SNTG2: variants seen among roughly 807,000 people sequenced by gnomAD.
SNTG2 encodes gamma-2-syntrophin.
Under a neutral mutation model 70.9 loss-of-function variants are expected in SNTG2, and 74 were observed. That is an observed-to-expected ratio of 1.04 (90% CI 0.86 to 1.27). SNTG2 has a LOEUF of 1.27. Ranked by LOEUF, SNTG2 falls within the 50% of genes most tolerant of loss-of-function variation. SNTG2 has a pLI of 0.00. For missense variants in SNTG2, 717 were observed against 690.7 expected (o/e 1.04, Z -0.43); for synonymous variants, 278 against 273.8 (o/e 1.02, Z -0.15).
At chr2:1,146,729 T>C (rs2147791704) in intron 6 of SNTG2, among the ~76,000 whole-genome samples, 1 of 152,282 alleles carries the variant, frequency 6.6e-6, no homozygotes, top group South Asian at 2.1e-4. Flanking sequence ...AGCCCAGAAA[T>C]AGAACCACAT....
chr2:1,012,219 G>A (rs1308096334), intron 1 of SNTG2, among the ~76,000 whole-genome samples: 2 of 152,244 alleles, frequency 1.3e-5, no homozygotes, highest in African/African-American at 2.4e-5. Context: ...AGGCTGTCAT[G>A]TATGGGATGC....
At chr2:1,076,745 C>T (rs1249180632) in intron 1 of SNTG2, among the ~76,000 whole-genome samples, 2 of 152,016 alleles carry the variant, frequency 1.3e-5, no homozygotes, top group Non-Finnish European at 2.9e-5. Flanking sequence ...AAGAAACTCA[C>T]CTTAAATTTT....
intron 1 of SNTG2, among the ~76,000 whole-genome samples, chr2:1,021,384 T>C (rs563157783): frequency 6.6e-6 from 1 of 152,294 alleles, no homozygotes; most frequent in South Asian, 2.1e-4. Flanking sequence ...CATAATACTT[T>C]GCTGAATCCA....
chr2:1,173,127 G>A lies in SNTG2; in HGVS notation c.535G>A (p.Ala179Thr), dbSNP rs1291389854. 2 of 1,614,006 alleles carry A rather than the reference G, an allele frequency of 1.2e-6. No homozygotes were observed. The highest frequency in any genetic ancestry group is 1.3e-5 in the African/African-American group (1 of 75,034). The change falls in exon 8 of 17, where the codon GCC (alanine) becomes ACC (threonine). Residue 179 changes from alanine (A) to threonine (T), a missense_variant. Transcript: ENST00000308624. ...PGPSSDHSSG[A>T]SSPLFDSGLH... is the part of the protein sequence containing the mutation. ...GCCATCCAGCGACCACAGCAGTGGG[G>A]CCTCCTCTCCCCTCTTTGACAGCGG...
At chr2:1,295,750 C>T (rs1055836009) in intron 14 of SNTG2, among the ~76,000 whole-genome samples, 40 of 143,102 alleles carry the variant, frequency 2.8e-4, no homozygotes, top group East Asian at 4.2e-4. Context: ...TCGATGGCTT[C>T]CACTGTAGAA....
At chr2:1,085,435 A>T (rs1432227160) in intron 2 of SNTG2, among the ~76,000 whole-genome samples, 1 of 152,250 alleles carries the variant, frequency 6.6e-6, no homozygotes, top group Non-Finnish European at 1.5e-5. Flanking sequence ...ACTTATGCGT[A>T]CAGTTTTAGG....
intron 14 of SNTG2, among the ~76,000 whole-genome samples, chr2:1,290,746 G>A (rs139472210): frequency 1.2e-3 from 177 of 152,314 alleles, no homozygotes; most frequent in African/African-American, 4.1e-3. Context: ...AACTCCAACA[G>A]TGGGAAATGC....
At chr2:953,389 G>T (rs1660040126) in intron 1 of SNTG2, among the ~76,000 whole-genome samples, 1 of 152,216 alleles carries the variant, frequency 6.6e-6, no homozygotes, top group Non-Finnish European at 1.5e-5. Flanking sequence ...AGAATTATTG[G>T]CATGAGCCGG....
intron 7 of SNTG2, among the ~76,000 whole-genome samples, chr2:1,168,647 G>A (rs944252535): frequency 1.3e-5 from 2 of 152,090 alleles, no homozygotes; most frequent in Non-Finnish European, 2.9e-5. Flanking sequence ...TTTTCCCATC[G>A]ATCACAGCAG....
At chr2:1,318,343 C>T (rs964559959) in intron 16 of SNTG2, among the ~76,000 whole-genome samples, 5 of 152,206 alleles carry the variant, frequency 3.3e-5, no homozygotes, top group African/African-American at 1.2e-4. Context: ...CATTTTTATA[C>T]GTGAAAGTTT....
At chr2:1,034,689 T>A (rs191658300) in intron 1 of SNTG2, among the ~76,000 whole-genome samples, 1 of 152,196 alleles carries the variant, frequency 6.6e-6, no homozygotes, top group Non-Finnish European at 1.5e-5. Context: ...TGATTTTGAT[T>A]TGCATTTCTC....
intron 1 of SNTG2, among the ~76,000 whole-genome samples, chr2:1,064,128 C>T (rs1413230500): frequency 6.6e-6 from 1 of 152,050 alleles, no homozygotes; most frequent in Non-Finnish European, 1.5e-5. Context: ...AAAATAGAAC[C>T]ATATCTTCAC....
chr2:1,244,129 C>T (rs1288716994), intron 11 of SNTG2, among the ~76,000 whole-genome samples: 1 of 150,276 alleles, frequency 6.7e-6, no homozygotes, highest in African/African-American at 2.4e-5. Flanking sequence ...TCTCTCTACC[C>T]CGTATGAATC....
At chr2:1,038,319 A>G (rs1661247422) in intron 1 of SNTG2, among the ~76,000 whole-genome samples, 2 of 152,238 alleles carry the variant, frequency 1.3e-5, no homozygotes, top group Admixed American at 6.5e-5. Context: ...ACGTTCTCAT[A>G]GAATGAACCT....
At chr2:1,200,183 A>C (rs1673188084) in intron 8 of SNTG2, among the ~76,000 whole-genome samples, 1 of 151,914 alleles carries the variant, frequency 6.6e-6, no homozygotes, top group Admixed American at 6.6e-5. Flanking sequence ...GAGACCAATA[A>C]AATATAACAG....
intron 4 of SNTG2, among the ~76,000 whole-genome samples, chr2:1,116,534 A>G (rs1572479592): frequency 8.7e-6 from 1 of 115,442 alleles, no homozygotes; most frequent in African/African-American, 3.4e-5. Flanking sequence ...GCTCCAGTGT[A>G]TGAGTGCCCT....
intron 4 of SNTG2, among the ~76,000 whole-genome samples, chr2:1,122,186 A>G (rs2148290466): frequency 6.6e-6 from 1 of 152,316 alleles, no homozygotes; most frequent in East Asian, 1.9e-4. Flanking sequence ...TTCAAAGAAG[A>G]AATAATATGA....
chr2:954,602 TC>T (rs1660081846), intron 1 of SNTG2, among the ~76,000 whole-genome samples: 2 of 152,170 alleles, frequency 1.3e-5, no homozygotes, highest in Admixed American at 6.5e-5. Flanking sequence ...ATACTAAAGT[TC>T]CCTGTAAAAT....
At chr2:1,032,214 G>A (rs538899799) in intron 1 of SNTG2, among the ~76,000 whole-genome samples, 28 of 152,188 alleles carry the variant, frequency 1.8e-4, no homozygotes, top group African/African-American at 6.7e-4. Flanking sequence ...GGAGCACGGC[G>A]CCTCATGATT....
Sources: gnomAD v4.1 joint callset for allele counts (sites outside exome capture counted in the v4.1 genomes callset) on GRCh38, gnomAD v4.1.1 for gene constraint, MANE v1.5 for transcripts, NCBI Gene and HGNC (gene_info 2026-07-23, HGNC 2026-07-21) for gene names.